Variants in NPC1 observed in about 807,000 individuals in gnomAD.
The protein encoded by NPC1 is NPC intracellular cholesterol transporter 1.
In NPC1, 85 loss-of-function variants were observed where a neutral mutation model predicts 140.4. The ratio of observed to expected loss-of-function variants is 0.61; its 90% CI spans 0.51 to 0.72. The LOEUF is 0.72. NPC1 is among the 30% of genes least tolerant of loss of function. The probability of loss-of-function intolerance (pLI) is 0.00; values close to 1 mark genes in which losing one functional copy is unlikely to be tolerated. For missense variants in NPC1, 1,504 were observed against 1,623.8 expected, an observed-to-expected ratio of 0.93 and a Z score of 1.27; for synonymous variants, 656 against 624.8, an observed-to-expected ratio of 1.05 and a Z score of -0.74.
chr18:23,520,797 T>G (rs1311064530), downstream of NPC1, among the ~76,000 whole-genome samples: 1 of 152,102 alleles, frequency 6.6e-6, no homozygotes, highest in Non-Finnish European at 1.5e-5. Context: ...TAAATACTTG[T>G]GAGAGGAGAT....
rs2058764443 is a variant in NPC1, at chr18:23,544,943, A to ACCCCCG, written c.1947+16_1947+17insCGGGGG. The ACCCCCG allele has an allele frequency of 2.9e-6, 3 of 1,032,988 alleles. No homozygotes were observed. The highest frequency in any genetic ancestry group is 4.2e-6 in the Non-Finnish European group (3 of 712,988). The allele number at this position is 1,032,988 out of a possible 1,614,324, so 64.0% of individuals were successfully genotyped here. On this transcript the variant is annotated intron_variant, in intron 12 of 24. Coordinates refer to ENST00000269228, the MANE Select transcript of NPC1 (RefSeq NM_000271.5). The stretch of plus-strand genomic sequence containing the variant: ...GCTGTTAACCTCTAGAACATACACC[A>ACCCCCG]CCCCCCCCCGGCTTACCAGAAGCCT...
chr18:23,507,119 C>T (rs760751787), intron 3 of NPC1: 17 of 1,160,994 alleles, frequency 1.5e-5, no homozygotes, highest in South Asian at 5.5e-5. Context: ...GAGAAGGAAT[C>T]GCAAATTTTC....
Position 23,531,805 on chromosome 18 carries a change from C to G in NPC1, c.*397G>C, listed in dbSNP as rs2058519716. On this transcript the variant is annotated 3_prime_UTR_variant, in exon 25 of 25. Transcript: ENST00000269228. Reference sequence around the variant, plus strand: ...AAATGTTATAAAGTGTATCTACAACCTCAACTGTCACTAAAAATATGGTAT... The same window carrying G: ...AAATGTTATAAAGTGTATCTACAACGTCAACTGTCACTAAAAATATGGTAT... 6.6e-7 allele frequency: 1 copy of G among 1,518,654 alleles called. No individual in the cohort carries two copies. The highest frequency in any genetic ancestry group is 1.4e-5 in the African/African-American group (1 of 70,924). The allele number at this position is 1,518,654 out of a possible 1,614,324, so 94.1% of individuals were successfully genotyped here.
chr18:23,507,030 T>G, intron 3 of NPC1: 1 of 1,608,434 alleles, frequency 6.2e-7, no homozygotes, highest in Non-Finnish European at 8.5e-7. Flanking sequence ...AGATATTGGC[T>G]GTTCAGAGGA....
chr18:23,527,713 G>GT, downstream of NPC1: 2 of 1,075,094 alleles, frequency 1.9e-6, no homozygotes, highest in Non-Finnish European at 2.8e-6. Context: ...TTTGAGATTA[G>GT]TTTTTATCAT....
chr18:23,538,831 C>T, intron 19 of NPC1, 160 bp from the exon 20 acceptor site: 1 of 740,828 alleles, frequency 1.3e-6, no homozygotes, highest in Non-Finnish European at 2.3e-6. Context: ...AAGCTTCAGC[C>T]ACATGTCACT....
intron 11 of NPC1, among the ~76,000 whole-genome samples, chr18:23,546,248 C>CA (rs60021403): frequency 0.012 from 558 of 45,576 alleles, 95 homozygotes; most frequent in East Asian, 0.039. Context: ...GACTCTGTCT[C>CA]AAAAAAAAAA....
At chr18:23,520,899 G>T (rs929323605), downstream of NPC1, among the ~76,000 whole-genome samples, 4 of 152,178 alleles carry the variant, frequency 2.6e-5, no homozygotes, top group Non-Finnish European at 1.5e-5. Flanking sequence ...TGTATTTTTA[G>T]TAGAGATGGG....
chr18:23,508,123 C>T (rs1010402292), intron 3 of NPC1: 11 of 1,258,116 alleles, frequency 8.7e-6, no homozygotes, highest in Admixed American at 2.5e-5. Flanking sequence ...GCATTGGGGT[C>T]GCAGGGAGCA....
chr18:23,518,816 A>C, downstream of NPC1: 3 of 1,339,690 alleles, frequency 2.2e-6, no homozygotes, highest in Non-Finnish European at 3.2e-6. Flanking sequence ...TAATTTACTT[A>C]ACCGTGATGC....
downstream of NPC1, chr18:23,519,079 T>G: frequency 2.5e-6 from 4 of 1,614,170 alleles, no homozygotes; most frequent in Non-Finnish European, 3.4e-6. Context: ...AGAAGGTGCC[T>G]GTAAAAAGAT....
At chr18:23,529,339 C>A, downstream of NPC1, 1 of 1,583,236 alleles carries the variant, frequency 6.3e-7, no homozygotes, top group Admixed American at 1.9e-5. Flanking sequence ...TGAGAATGCT[C>A]AAAACAAGGA....
rs1173331930 is a variant in NPC1 at position 23,541,357 on chromosome 18, C to A, written c.2322G>T (p.Leu774=). 1.2e-6 allele frequency: 2 copies of A among 1,614,190 alleles called. No individual in the cohort carries two copies. Among genetic ancestry groups the A allele is most frequent in the Non-Finnish European group, 1.7e-6 (2 of 1,180,046 alleles). ...AGAGACTCACGAAACAGGTAATCTG[C>A]AGAAGAAAGTCAATGAAGACTGCCA... ...AGLAVFIDFL[L]QITCFVSLLG... Residue 774 remains leucine (L), a synonymous_variant, in exon 15 of 25, where the codon CTG becomes CTT. Coordinates refer to ENST00000269228, the MANE Select transcript of NPC1 (RefSeq NM_000271.5).
intron 3 of NPC1, among the ~76,000 whole-genome samples, chr18:23,514,125 A>C (rs1283464891): frequency 6.6e-6 from 1 of 152,126 alleles, no homozygotes; most frequent in Admixed American, 6.6e-5. Flanking sequence ...AATTTTGTTG[A>C]CCTAATGAAA....
chr18:23,586,196 G>A, intron 1 of NPC1, 91 bp downstream of exon 1: 1 of 1,396,216 alleles, frequency 7.2e-7, no homozygotes, highest in Non-Finnish European at 9.6e-7. Flanking sequence ...CCCAGGACCC[G>A]GGCCTGAGCC....
chr18:23,543,587 A>G lies in NPC1; in HGVS notation c.2131-18T>C, dbSNP rs1476781090. 1 of 1,455,968 alleles carries G rather than the reference A, an allele frequency of 6.9e-7. No homozygotes were observed. The highest frequency in any genetic ancestry group is 1.4e-5 in the African/African-American group (1 of 71,570). 90.2% of individuals were successfully genotyped at this position (1,455,968 alleles called of 1,614,324 possible). ...TCATCTCTCTTAAAAAAAAAAAAAAAAAATTATGCGACATTAAAATTTCTC... is the reference window on the plus strand; with the variant it reads ...TCATCTCTCTTAAAAAAAAAAAAAAGAAATTATGCGACATTAAAATTTCTC... On this transcript the variant is annotated intron_variant, in intron 13 of 24. Transcript: ENST00000269228.
chr18:23,556,678 C>T, intron 7 of NPC1, 65 bp from the exon 8 acceptor site: 1 of 1,595,068 alleles, frequency 6.3e-7, no homozygotes, highest in Non-Finnish European at 8.5e-7. Flanking sequence ...AAAGTCGGAA[C>T]AGGGAAAGCA....
intron 11 of NPC1, 48 bp downstream of exon 11, chr18:23,547,958 G>T: frequency 1.8e-6 from 2 of 1,090,098 alleles, no homozygotes; most frequent in Non-Finnish European, 2.9e-6. Flanking sequence ...CAAGTGTCTA[G>T]CTTCCCACAA....
intron 1 of NPC1, chr18:23,576,352 G>GT (rs1693038043): frequency 2.7e-6 from 1 of 367,442 alleles, no homozygotes; most frequent in African/African-American, 2.2e-5. Context: ...AACCCAGGAG[G>GT]TTGAGGCTGC....
Sources: gnomAD v4.1 joint callset for allele counts (sites outside exome capture counted in the v4.1 genomes callset) on GRCh38, gnomAD v4.1.1 for gene constraint, MANE v1.5 for transcripts, NCBI Gene and HGNC (gene_info 2026-07-23, HGNC 2026-07-21) for gene names.